The following COBL variants were observed in gnomAD, a reference collection of about 807,000 sequenced individuals.
The protein encoded by COBL is cordon-bleu WH2 repeat protein.
COBL carries 51 observed loss-of-function variants against 98.8 expected under a neutral mutation model. The ratio of observed to expected loss-of-function variants is 0.52; its 90% confidence interval spans 0.41 to 0.65. The LOEUF is 0.65. Ranked by LOEUF, COBL falls within the 30% of genes least tolerant of loss-of-function variation. The probability of loss-of-function intolerance (pLI) is 0.00; values close to 1 mark genes in which losing one functional copy is unlikely to be tolerated. For synonymous variants in COBL, 634 were observed against 651.7 expected (o/e 0.97, Z 0.41); for missense variants, 1,617 against 1,617.5 (o/e 1.00, Z 0.01).
intron 8 of COBL, chr7:51,033,083 A>AT (rs1158753819): frequency 1.3e-5 from 2 of 152,160 alleles, no homozygotes; most frequent in Non-Finnish European, 2.9e-5. Flanking sequence ...AAATAATAAG[A>AT]TAAAAACTCC....
At position 51,028,916 on chromosome 7, in the gene COBL, G is replaced by A. The variant is rs1787879337; in HGVS notation, c.2180C>T (p.Ser727Phe). ...CTCGTCAATCTTAATGGCTCCGGTG[G>A]AGAGGGACACATCTCTGTCGTAACA... ...MRCYDRDVSL[S>F]TGAIKIDELG... Residue 727 changes from serine to phenylalanine, a missense_variant, in exon 10 of 13, where the codon TCC (serine) becomes TTC (phenylalanine). Physicochemically the swap from Ser to Phe is radical, Grantham distance 155 (BLOSUM62 -2). This residue lies in a region of COBL where 1,304 missense variants were observed against 1,282.0 expected (regional missense o/e 1.02). Coordinates refer to ENST00000265136, the MANE Select transcript of COBL (RefSeq NM_015198.5). 1.2e-6 allele frequency: 2 copies of A among 1,614,110 alleles called. No individual in the cohort carries two copies. The highest frequency in any genetic ancestry group is 1.7e-5 in the Admixed American group (1 of 60,016).
intron 5 of COBL, among the ~76,000 whole-genome samples, chr7:51,166,016 A>G (rs1584027400): frequency 6.6e-6 from 1 of 152,016 alleles, no homozygotes; most frequent in African/African-American, 2.4e-5. Context: ...AAAAAAGAAG[A>G]AAAACCTCAA....
rs571758629 is a variant in COBL, at chr7:51,208,386, T to TG, written c.245+11354dup. Reference sequence around the variant, plus strand: ...CCAGCCGCCCCGTCTGGGAGGGAGGTGGGGGGGGTCAGCCCCCCGCCCGGC... The same window carrying TG: ...CCAGCCGCCCCGTCTGGGAGGGAGGTGGGGGGGGGTCAGCCCCCCGCCCGGC... On this transcript the variant is annotated intron_variant, in intron 2 of 12. Coordinates refer to ENST00000265136, the MANE Select transcript of COBL (RefSeq NM_015198.5). 2.5e-3 allele frequency among the ~76,000 whole-genome samples: 262 copies of TG among 102,922 alleles called. 1 individual carries two copies. Among genetic ancestry groups the TG allele is most frequent in the African/African-American group, 7.4e-3 (223 of 30,318 alleles). 67.5% of individuals were successfully genotyped at this position (102,922 alleles called of 152,430 possible). A position where few individuals can be genotyped will look rare whatever the true frequency, so the allele number is the denominator to read the frequency against.
At chr7:51,173,934 T>C (rs1230568793) in intron 5 of COBL, among the ~76,000 whole-genome samples, 2 of 152,214 alleles carry the variant, frequency 1.3e-5, no homozygotes, top group Admixed American at 6.5e-5. Flanking sequence ...CATACACATA[T>C]ACACACATAC....
At chr7:51,047,753 C>T (rs1789856016) in intron 7 of COBL, among the ~76,000 whole-genome samples, 1 of 152,224 alleles carries the variant, frequency 6.6e-6, no homozygotes. Flanking sequence ...AGCAAAGCTG[C>T]ACTTCATCTT....
intron 6 of COBL, among the ~76,000 whole-genome samples, chr7:51,093,857 G>A (rs894432525): frequency 1.1e-4 from 17 of 151,238 alleles, no homozygotes; most frequent in Non-Finnish European, 4.4e-5. Context: ...TGATATCACT[G>A]CATTCCAGCC....
chr7:51,024,024 T>C (rs1427253371), intron 12 of COBL, among the ~76,000 whole-genome samples: 1 of 152,048 alleles, frequency 6.6e-6, no homozygotes, highest in Non-Finnish European at 1.5e-5. Context: ...GAAAATAAAA[T>C]CTTTGCCGGG....
chr7:51,084,200 G>A (rs1025181609), intron 7 of COBL, among the ~76,000 whole-genome samples: 9 of 152,076 alleles, frequency 5.9e-5, no homozygotes, highest in Admixed American at 1.3e-4. Flanking sequence ...AAACTGCCAC[G>A]GAGCTCTCAC....
At chr7:51,230,470 C>T (rs1794638781) in intron 1 of COBL, among the ~76,000 whole-genome samples, 1 of 152,152 alleles carries the variant, frequency 6.6e-6, no homozygotes, top group Admixed American at 6.5e-5. Context: ...TCCACTGTTG[C>T]TCCTTTCCCC....
In COBL at chr7:51,184,162, T is replaced by A; in HGVS notation, c.723A>T (p.Thr241=). The A allele has an allele frequency of 6.4e-7, 1 of 1,569,946 alleles. No homozygotes were observed. The highest frequency in any genetic ancestry group is 8.6e-7 in the Non-Finnish European group (1 of 1,156,762). The change falls in exon 5 of 13, where the codon ACA becomes ACT. Residue 241 remains threonine (T), a synonymous_variant. Transcript: ENST00000265136. ...FRKSSLGNDE[T]DKEKKKFLGF... The stretch of plus-strand genomic sequence containing the variant: ...CCAGAAATTTTTTCTTCTCTTTATC[T>A]GTCTCATCATTGCCAAGTGATGATT...
In COBL at chr7:51,029,467, G is replaced by A; in HGVS notation, c.1629C>T (p.Phe543=). The change falls in exon 10 of 13, where the codon TTC becomes TTT. Residue 543 remains phenylalanine, a synonymous_variant. Coordinates refer to ENST00000265136, the MANE Select transcript of COBL (RefSeq NM_015198.5). ...CAGGATCATCTGAAACTTCCCCTAT[G>A]AATGTTACTGGGATTGCATCTGTGT... ...HGDTDAIPVT[F]IGEVSDDPVD... is the part of the protein sequence containing the mutation. The A allele has an allele frequency of 6.2e-7, 1 of 1,614,138 alleles. No homozygotes were observed. Among genetic ancestry groups the A allele is most frequent in the Non-Finnish European group, 8.5e-7 (1 of 1,180,016 alleles).
chr7:51,130,760 G>A (rs1310227247), intron 6 of COBL, among the ~76,000 whole-genome samples: 1 of 152,266 alleles, frequency 6.6e-6, no homozygotes, highest in East Asian at 1.9e-4. Context: ...CGTGTCTTTG[G>A]GAGTCTGGTC....
intron 1 of COBL, among the ~76,000 whole-genome samples, chr7:51,257,227 C>A (rs1797273070): frequency 6.6e-6 from 1 of 152,190 alleles, no homozygotes; most frequent in Admixed American, 6.5e-5. Context: ...TGAATTACGT[C>A]CCCAACAACG....
chr7:51,107,893 T>G (rs1796457467), intron 6 of COBL, among the ~76,000 whole-genome samples: 1 of 152,116 alleles, frequency 6.6e-6, no homozygotes, highest in Non-Finnish European at 1.5e-5. Context: ...CAGCAAAATA[T>G]CCCCCAGTCC....
chr7:51,110,339 G>A (rs538802430), intron 6 of COBL, among the ~76,000 whole-genome samples: 17 of 152,136 alleles, frequency 1.1e-4, no homozygotes, highest in Admixed American at 7.9e-4. Flanking sequence ...TAGCTCCCAC[G>A]TAAGAGTGAG....
chr7:51,044,663 G>T (rs1789522203), intron 7 of COBL, among the ~76,000 whole-genome samples: 1 of 152,212 alleles, frequency 6.6e-6, no homozygotes, highest in South Asian at 2.1e-4. Context: ...TGCAGTCCCA[G>T]TGTATTTTGT....
At chr7:51,304,582 A>G (rs1802282468) in intron 1 of COBL, among the ~76,000 whole-genome samples, 1 of 152,258 alleles carries the variant, frequency 6.6e-6, no homozygotes, top group Non-Finnish European at 1.5e-5. Context: ...AAATGGTAGC[A>G]GTAATATTTC....
intron 1 of COBL, among the ~76,000 whole-genome samples, chr7:51,256,642 C>T (rs1332563353): frequency 1.3e-5 from 2 of 152,186 alleles, no homozygotes; most frequent in East Asian, 1.9e-4. Context: ...GCAAGCGTCA[C>T]GTGGTTTCAC....
At chr7:51,120,305 T>C (rs1282700563) in intron 6 of COBL, among the ~76,000 whole-genome samples, 1 of 152,048 alleles carries the variant, frequency 6.6e-6, no homozygotes, top group Non-Finnish European at 1.5e-5. Context: ...CCACTAAAAA[T>C]GTTTCAGGCA....
Sources: allele counts gnomAD v4.1 joint callset (sites outside exome capture counted in the v4.1 genomes callset), GRCh38; gene constraint gnomAD v4.1.1; regional missense constraint gnomAD v4.1.1; transcripts MANE v1.5; gene names NCBI Gene and HGNC (gene_info 2026-07-23, HGNC 2026-07-21).